FER: variants seen among roughly 807,000 people sequenced by gnomAD.
The protein encoded by FER is tyrosine-protein kinase Fer.
FER carries 63 observed loss-of-function variants against 111.0 expected under a neutral mutation model. The observed-to-expected ratio is 0.57, with a 90% CI of 0.46 to 0.70. The LOEUF (loss-of-function observed/expected upper bound fraction) is 0.70. Ranked by LOEUF, FER falls within the 30% of genes least tolerant of loss-of-function variation. The pLI is 0.00. For synonymous variants in FER, 327 were observed against 313.9 expected (o/e 1.04, Z -0.44); for missense variants, 914 against 954.0 (o/e 0.96, Z 0.55).
intron 9 of FER, among the ~76,000 whole-genome samples, chr5:108,887,063 G>T (rs1561564477): frequency 6.6e-6 from 1 of 151,306 alleles, no homozygotes; most frequent in Non-Finnish European, 1.5e-5. Flanking sequence ...TTTTTATCTG[G>T]TTTTAATAAT....
intron 5 of FER, chr5:108,842,544 C>T (rs184848579): frequency 6.6e-5 from 10 of 152,026 alleles, no homozygotes; most frequent in Admixed American, 3.3e-4. Context: ...AGAAAAAAAA[C>T]TAACAATCTC....
chr5:108,955,023 C>T (rs1011598432), intron 12 of FER, 91 bp downstream of exon 12: 2 of 1,094,838 alleles, frequency 1.8e-6, no homozygotes, highest in Admixed American at 2.7e-5. Context: ...TGATAAATGC[C>T]TGCAACACTT....
At chr5:108,928,048 C>A (rs1466241529) in intron 10 of FER, among the ~76,000 whole-genome samples, 1 of 152,114 alleles carries the variant, frequency 6.6e-6, no homozygotes, top group East Asian at 1.9e-4. Flanking sequence ...CTGAAAGCAA[C>A]CCTAACTGAA....
At chr5:109,043,074 A>T (rs993083982) in intron 14 of FER, among the ~76,000 whole-genome samples, 6 of 152,196 alleles carry the variant, frequency 3.9e-5, no homozygotes, top group Non-Finnish European at 8.8e-5. Flanking sequence ...CCTTTCTGAG[A>T]TGCAAGGAAT....
At chr5:108,964,029 A>G (rs530833230) in intron 13 of FER, among the ~76,000 whole-genome samples, 54 of 152,186 alleles carry the variant, frequency 3.5e-4, no homozygotes, top group Non-Finnish European at 5.3e-4. Flanking sequence ...CCTTAAGTCT[A>G]TATCCATGTT....
intron 3 of FER, among the ~76,000 whole-genome samples, chr5:108,823,427 A>T (rs1184940455): frequency 6.6e-6 from 1 of 152,174 alleles, no homozygotes; most frequent in Admixed American, 6.5e-5. Flanking sequence ...TTTTCTTCAC[A>T]TCTTTGTCAA....
chr5:109,128,510 A>G (rs1445322463), intron 17 of FER, among the ~76,000 whole-genome samples: 1 of 152,130 alleles, frequency 6.6e-6, no homozygotes, highest in Non-Finnish European at 1.5e-5. Flanking sequence ...GAGTTACCTA[A>G]TAAAAATCAG....
intron 16 of FER, among the ~76,000 whole-genome samples, chr5:109,095,582 G>T (rs1203467803): frequency 2.0e-5 from 3 of 151,886 alleles, no homozygotes; most frequent in Admixed American, 6.6e-5. Context: ...AACTTGTTTG[G>T]GTTTATATCC....
chr5:109,110,597 G>A (rs953066276), intron 17 of FER, among the ~76,000 whole-genome samples: 4 of 152,012 alleles, frequency 2.6e-5, no homozygotes, highest in Admixed American at 6.6e-5. Context: ...ATGGCAATTT[G>A]ATCTGTTCCA....
intron 3 of FER, among the ~76,000 whole-genome samples, chr5:108,802,946 T>C (rs545151871): frequency 1.3e-5 from 2 of 152,326 alleles, no homozygotes; most frequent in African/African-American, 4.8e-5. Context: ...TGAACTAATT[T>C]ACATTTCCAC....
intron 13 of FER, among the ~76,000 whole-genome samples, chr5:108,992,853 C>T (rs1215587669): frequency 2.0e-4 from 30 of 151,506 alleles, no homozygotes; most frequent in Non-Finnish European, 3.5e-4. Context: ...CTCCTCACCT[C>T]CCAGACGGGG....
chr5:109,153,238 A>G (rs1320502121), intron 17 of FER, among the ~76,000 whole-genome samples: 1 of 151,662 alleles, frequency 6.6e-6, no homozygotes, highest in South Asian at 2.1e-4. Flanking sequence ...TTGGACACTC[A>G]TTTGAGTTTT....
At chr5:108,931,594 A>G (rs1754682313) in intron 10 of FER, among the ~76,000 whole-genome samples, 1 of 152,120 alleles carries the variant, frequency 6.6e-6, no homozygotes, top group Admixed American at 6.6e-5. Flanking sequence ...GAGATGTGGT[A>G]TTAAAAATAG....
chr5:108,968,550 T>C (rs1468503120), intron 13 of FER, among the ~76,000 whole-genome samples: 1 of 151,948 alleles, frequency 6.6e-6, no homozygotes, highest in African/African-American at 2.4e-5. Flanking sequence ...TGGAGGAAAA[T>C]TCAGAGCCTT....
intron 17 of FER, among the ~76,000 whole-genome samples, chr5:109,173,878 C>T (rs1231671316): frequency 6.6e-6 from 1 of 151,792 alleles, no homozygotes; most frequent in Non-Finnish European, 1.5e-5. Flanking sequence ...CAGTCATTTG[C>T]TCTCACAATA....
At position 109,187,482 on chromosome 5, in the gene FER, C is replaced by T. The variant is rs753540671; in HGVS notation, c.2376C>T (p.Ile792=). ...PQHCPEDISK[I]MMKCWDYKPE... Reference sequence around the variant, plus strand: ...ACTGTCCAGAGGATATTTCCAAAATCATGATGAAGTGTTGGGATTATAAAC... The same window carrying T: ...ACTGTCCAGAGGATATTTCCAAAATTATGATGAAGTGTTGGGATTATAAAC... Residue 792 remains isoleucine, a synonymous_variant, in exon 20 of 20, where the codon ATC becomes ATT. Transcript: ENST00000281092. 7.9e-5 allele frequency: 127 copies of T among 1,613,998 alleles called. No individual in the cohort carries two copies. Among genetic ancestry groups the T allele is most frequent in the Admixed American group, 6.5e-4 (39 of 60,000 alleles).
chr5:108,807,515 T>C (rs1002009501), intron 3 of FER, among the ~76,000 whole-genome samples: 10 of 152,260 alleles, frequency 6.6e-5, no homozygotes, highest in African/African-American at 2.4e-4. Flanking sequence ...TCCGTCTTTT[T>C]CTTTGTTGGT....
intron 8 of FER, among the ~76,000 whole-genome samples, chr5:108,879,268 A>T (rs1765397551): frequency 1.3e-5 from 2 of 152,166 alleles, no homozygotes; most frequent in Admixed American, 6.6e-5. Flanking sequence ...TAAGTTCCAG[A>T]TACATGTGCA....
intron 3 of FER, among the ~76,000 whole-genome samples, chr5:108,803,123 G>T (rs1333363778): frequency 6.6e-6 from 1 of 152,002 alleles, no homozygotes; most frequent in Non-Finnish European, 1.5e-5. Flanking sequence ...TCATGTGTTT[G>T]TTGGCCACTT....
Sources: allele counts gnomAD v4.1 joint callset (sites outside exome capture counted in the v4.1 genomes callset), GRCh38; gene constraint gnomAD v4.1.1; transcripts MANE v1.5; gene names NCBI Gene and HGNC (gene_info 2026-07-23, HGNC 2026-07-21).